Variants in PPP6R3 observed in about 807,000 individuals in gnomAD.
PPP6R3 encodes protein phosphatase 6 regulatory subunit 3.
A neutral mutation model predicts 110.7 loss-of-function variants in PPP6R3; 38 were observed. That is an observed-to-expected ratio of 0.34 (90% confidence interval 0.26 to 0.45). The LOEUF is 0.45. Ranked by LOEUF, PPP6R3 falls within the 20% of genes least tolerant of loss-of-function variation. The probability of loss-of-function intolerance (pLI) is 1.00; values close to 1 mark genes in which losing one functional copy is unlikely to be tolerated. For missense variants in PPP6R3, 870 were observed against 1,062.4 expected, an observed-to-expected ratio of 0.82 and a Z score of 2.52; for synonymous variants, 369 against 373.5, an observed-to-expected ratio of 0.99 and a Z score of 0.14.
At chr11:68,508,121 CTTTTTTT>C (rs748376581) in intron 1 of PPP6R3, among the ~76,000 whole-genome samples, 17 of 77,620 alleles carry the variant, frequency 2.2e-4, no homozygotes, top group African/African-American at 8.5e-4. Context: ...GTTTTTTGGC[CTTTTTTT>C]TTTTTTTTTT....
At chr11:68,595,231 T>TTG (rs2099610265) in intron 18 of PPP6R3, among the ~76,000 whole-genome samples, 1 of 120,622 alleles carries the variant, frequency 8.3e-6, no homozygotes. Flanking sequence ...TTTTTTTTTT[T>TTG]GGAGACGGAG....
Position 68,565,174 on chromosome 11 carries a change from T to A in PPP6R3, c.975+742T>A, listed in dbSNP as rs1281844671. Among the ~76,000 whole-genome samples, 15 of 152,260 alleles carry A rather than the reference T, an allele frequency of 9.9e-5. No individual in the cohort carries two copies. The East Asian group carries it at 2.9e-3, about 29-fold the overall frequency. ...GCGAGTTATTGGGAATTTAGAATAC[T>A]AGTTTCTCACTTGTAAATTAGATGT... On this transcript the variant is annotated intron_variant, in intron 9 of 23. Transcript: ENST00000393800.
Position 68,599,496 on chromosome 11 carries a change from G to A in PPP6R3, c.2039-845G>A, listed in dbSNP as rs529937883. On this transcript the variant is annotated intron_variant, in intron 19 of 23. Coordinates refer to ENST00000393800, the MANE Select transcript of PPP6R3 (RefSeq NM_001164161.2). ...GCCAGACCTGGTTCTGCAGGACTTA[G>A]GAAGCCTAACTGCAGTGCACTGCAG... 3.3e-5 allele frequency among the ~76,000 whole-genome samples: 5 copies of A among 152,366 alleles called. No homozygotes were observed. The South Asian group carries it at 6.2e-4, about 19-fold the overall frequency.
intron 12 of PPP6R3, among the ~76,000 whole-genome samples, chr11:68,572,136 C>T (rs2099509944): frequency 6.6e-6 from 1 of 152,126 alleles, no homozygotes; most frequent in Non-Finnish European, 1.5e-5. Context: ...ACCTCAGATA[C>T]ATTCTTCCAA....
At chr11:68,585,776 AT>A (rs2099576446) in intron 15 of PPP6R3, among the ~76,000 whole-genome samples, 1 of 152,188 alleles carries the variant, frequency 6.6e-6, no homozygotes, top group Non-Finnish European at 1.5e-5. Context: ...GTCAGTTGCT[AT>A]GTATCTCTCC....
chr11:68,503,699 G>C (rs887351331), intron 1 of PPP6R3, among the ~76,000 whole-genome samples: 1 of 152,224 alleles, frequency 6.6e-6, no homozygotes. Context: ...TTTGAGCTGA[G>C]TGGTAGAGAG....
chr11:68,538,290 A>T (rs1261527837), intron 3 of PPP6R3, among the ~76,000 whole-genome samples: 1 of 152,188 alleles, frequency 6.6e-6, no homozygotes, highest in East Asian at 1.9e-4. Flanking sequence ...ATACATTCTG[A>T]CCTTTCATTC....
rs1164203478 is a variant in PPP6R3 at position 68,476,285 on chromosome 11, A to G, written c.-158+15458A>G. On this transcript the variant is annotated intron_variant, in intron 1 of 23. Transcript: ENST00000393800. ...AGACCAGCCCGGCCAACACAGCGAA[A>G]CCCCGTCTCCACCAAAAAAATACGA... 7.2e-5 allele frequency among the ~76,000 whole-genome samples: 11 copies of G among 152,180 alleles called. 1 individual carries two copies. Among genetic ancestry groups the G allele is most frequent in the African/African-American group, 2.6e-4 (11 of 41,514 alleles).
intron 7 of PPP6R3, 52 bp downstream of exon 7, chr11:68,554,309 G>T (rs1458524632): frequency 1.4e-6 from 2 of 1,389,824 alleles, no homozygotes; most frequent in Non-Finnish European, 2.0e-6. Flanking sequence ...GCTGTTCCAT[G>T]TGTTACCATT....
At chr11:68,474,871 A>G (rs80102794) in intron 1 of PPP6R3, among the ~76,000 whole-genome samples, 2,077 of 151,996 alleles carry the variant, frequency 0.014, 55 homozygotes, top group African/African-American at 0.047. Context: ...TTGCATCTCT[A>G]TCATATTTGT....
At chr11:68,590,600 C>T (rs989798674) in intron 16 of PPP6R3, 60 bp from the exon 17 acceptor site, 32 of 1,462,858 alleles carry the variant, frequency 2.2e-5, no homozygotes, top group Admixed American at 6.4e-5. Flanking sequence ...TTCATAAATA[C>T]GGTTTCTGTG....
In PPP6R3 at chr11:68,537,772, A is replaced by G; in HGVS notation, c.108A>G (p.Glu36=). 1 of 1,612,250 alleles carries G rather than the reference A, an allele frequency of 6.2e-7. No individual in the cohort carries two copies. The highest frequency in any genetic ancestry group is 8.5e-7 in the Non-Finnish European group (1 of 1,178,286). Residue 36 remains glutamate (E), a synonymous_variant, in exon 3 of 24, where the codon GAA becomes GAG. Coordinates refer to ENST00000393800, the MANE Select transcript of PPP6R3 (RefSeq NM_001164161.2). Reference sequence around the variant, plus strand: ...TGGATGAGGAAGATGTTTTACAGGAATGTAAAGCTCAGAACCGCAAACTTA... The same window carrying G: ...TGGATGAGGAAGATGTTTTACAGGAGTGTAAAGCTCAGAACCGCAAACTTA... ...ELMDEEDVLQ[E]CKAQNRKLIE...
Position 68,544,961 on chromosome 11 carries a change from T to C in PPP6R3, c.351T>C (p.Asn117=). Reference sequence around the variant, plus strand: ...TCCTCCTAAACGATTCCCCTTTGAATCCACTACTTGCCAGTTTCTTCAGCA... The same window carrying C: ...TCCTCCTAAACGATTCCCCTTTGAACCCACTACTTGCCAGTTTCTTCAGCA... ...YSFLLNDSPL[N]PLLASFFSKV... Residue 117 remains asparagine (N), a synonymous_variant, in exon 4 of 24, where the codon AAT becomes AAC. Transcript: ENST00000393800. 6.2e-7 allele frequency: 1 copy of C among 1,608,726 alleles called. No homozygotes were observed. Among genetic ancestry groups the C allele is most frequent in the Non-Finnish European group, 8.5e-7 (1 of 1,175,126 alleles).
At chr11:68,591,925 G>T (rs768439288) in intron 18 of PPP6R3, among the ~76,000 whole-genome samples, 4 of 152,200 alleles carry the variant, frequency 2.6e-5, no homozygotes, top group Non-Finnish European at 5.9e-5. Context: ...CAGTTCGTGA[G>T]GTGTTGGGGC....
At chr11:68,609,491 C>T (rs112461906) in intron 22 of PPP6R3, 5 of 1,142,256 alleles carry the variant, frequency 4.4e-6, no homozygotes, top group African/African-American at 1.5e-5. Flanking sequence ...ACACCTTCAC[C>T]GAGTCTGCAG....
At chr11:68,557,003 A>G (rs1254136066) in intron 7 of PPP6R3, among the ~76,000 whole-genome samples, 1 of 152,258 alleles carries the variant, frequency 6.6e-6, no homozygotes, top group East Asian at 1.9e-4. Flanking sequence ...GTATTGACGA[A>G]AGTGACAGTG....
At chr11:68,507,470 C>G (rs1363657664) in intron 1 of PPP6R3, among the ~76,000 whole-genome samples, 1 of 151,936 alleles carries the variant, frequency 6.6e-6, no homozygotes, top group Non-Finnish European at 1.5e-5. Context: ...GGCATTTATG[C>G]AGTTATTTTT....
chr11:68,482,222 C>CAAAAAAAAAAA (rs35130397), intron 1 of PPP6R3, among the ~76,000 whole-genome samples: 1 of 87,042 alleles, frequency 1.1e-5, no homozygotes, highest in African/African-American at 4.1e-5. Context: ...CCCATCTCTC[C>CAAAAAAAAAAA]AAAAAAAAAA....
At chr11:68,540,821 C>T (rs910942891) in intron 3 of PPP6R3, among the ~76,000 whole-genome samples, 7 of 152,178 alleles carry the variant, frequency 4.6e-5, no homozygotes, top group African/African-American at 1.7e-4. Flanking sequence ...CTCTGTTCCG[C>T]CTGGCTCACC....
Sources: allele counts gnomAD v4.1 joint callset (sites outside exome capture counted in the v4.1 genomes callset), GRCh38; gene constraint gnomAD v4.1.1; transcripts MANE v1.5; gene names NCBI Gene and HGNC (gene_info 2026-07-23, HGNC 2026-07-21).